GREB1L: variants seen among roughly 807,000 people sequenced by gnomAD.
GREB1L encodes the protein GREB1-like protein.
In GREB1L, 17 loss-of-function variants were observed where a neutral mutation model predicts 200.8. That is an observed-to-expected ratio of 0.08 (90% CI 0.06 to 0.13). The LOEUF is 0.13. Among genes scored for constraint, GREB1L ranks in the 10% least tolerant of loss-of-function variants. The pLI, the probability that GREB1L is intolerant of heterozygous loss-of-function variation, is 1.00. For synonymous variants in GREB1L, 789 were observed against 893.0 expected (o/e 0.88, Z 2.08); for missense variants, 1,657 against 2,367.7 (o/e 0.70, Z 6.23).
intron 1 of GREB1L, among the ~76,000 whole-genome samples, chr18:21,278,763 A>G (rs1001494319): frequency 6.6e-6 from 1 of 152,200 alleles, no homozygotes; most frequent in Non-Finnish European, 1.5e-5. Context: ...TCATAAGGAA[A>G]AGATATGTAT....
intron 23 of GREB1L, among the ~76,000 whole-genome samples, chr18:21,504,835 G>T (rs1047992493): frequency 1.3e-5 from 2 of 152,154 alleles, no homozygotes; most frequent in African/African-American, 4.8e-5. Flanking sequence ...GACGCTGTAA[G>T]GGGTAGGGCC....
At chr18:21,291,827 G>A (rs950490698) in intron 1 of GREB1L, among the ~76,000 whole-genome samples, 1 of 152,140 alleles carries the variant, frequency 6.6e-6, no homozygotes, top group Non-Finnish European at 1.5e-5. Flanking sequence ...CGTACGTGCA[G>A]GGATCTCTAC....
chr18:21,360,415 G>A (rs2039565779), intron 1 of GREB1L, among the ~76,000 whole-genome samples: 1 of 152,062 alleles, frequency 6.6e-6, no homozygotes, highest in South Asian at 2.1e-4. Flanking sequence ...TAGTAGAGAT[G>A]GCGTTTCGCC....
intron 1 of GREB1L, among the ~76,000 whole-genome samples, chr18:21,286,497 A>G (rs1434803695): frequency 1.3e-5 from 2 of 152,214 alleles, no homozygotes; most frequent in East Asian, 3.8e-4. Flanking sequence ...ATAAGTCATG[A>G]GACTTTGGGC....
At chr18:21,376,807 C>T (rs1297519226) in intron 2 of GREB1L, among the ~76,000 whole-genome samples, 3 of 117,028 alleles carry the variant, frequency 2.6e-5, no homozygotes, top group East Asian at 2.3e-4. Flanking sequence ...TCTGAGAGTC[C>T]GTCTCAAAAA....
At chr18:21,342,653 T>C (rs1300814237) in intron 1 of GREB1L, among the ~76,000 whole-genome samples, 2 of 152,186 alleles carry the variant, frequency 1.3e-5, no homozygotes, top group African/African-American at 4.8e-5. Context: ...TCCTAGGCTC[T>C]GCAGGTAGCC....
intron 1 of GREB1L, among the ~76,000 whole-genome samples, chr18:21,276,973 G>T (rs1329848663): frequency 7.3e-6 from 1 of 136,706 alleles, no homozygotes; most frequent in African/African-American, 2.8e-5. Context: ...CTGTCGCCCA[G>T]GCTGGAGTGC....
At chr18:21,345,628 T>A (rs1330675304) in intron 1 of GREB1L, among the ~76,000 whole-genome samples, 2 of 151,948 alleles carry the variant, frequency 1.3e-5, no homozygotes, top group African/African-American at 4.8e-5. Context: ...ATCCCAGCAC[T>A]TTGGGAGGCC....
intron 15 of GREB1L, among the ~76,000 whole-genome samples, chr18:21,457,898 C>A (rs181002377): frequency 8.6e-5 from 13 of 150,834 alleles, no homozygotes; most frequent in African/African-American, 2.7e-4. Flanking sequence ...CATATGTCAT[C>A]ATGTGAATTG....
At chr18:21,433,529 G>T (rs534622736) in intron 7 of GREB1L, among the ~76,000 whole-genome samples, 42 of 152,256 alleles carry the variant, frequency 2.8e-4, no homozygotes, top group African/African-American at 9.6e-4. Flanking sequence ...ATGAAAAACT[G>T]GGGTCATCTT....
rs189435847 is a variant in GREB1L, at chr18:21,263,396, A to C, written c.-120+21003A>C. Reference sequence around the variant, plus strand: ...CTGTGCTGAGATTACAGAAAAATTGAATAAAATAATTGGACATGTAGTTTT... The same window carrying C: ...CTGTGCTGAGATTACAGAAAAATTGCATAAAATAATTGGACATGTAGTTTT... On this transcript the variant is annotated intron_variant, in intron 1 of 32. Coordinates refer to ENST00000424526, the MANE Select transcript of GREB1L (RefSeq NM_001142966.3). Among the ~76,000 whole-genome samples, 208 of 152,340 alleles carry C rather than the reference A, an allele frequency of 1.4e-3. 1 individual carries two copies. Among genetic ancestry groups the C allele is most frequent in the Non-Finnish European group, 2.0e-3 (138 of 68,024 alleles).
chr18:21,389,332 G>C, intron 4 of GREB1L, among the ~76,000 whole-genome samples: 1 of 89,390 alleles, frequency 1.1e-5, no homozygotes, highest in Non-Finnish European at 1.9e-5. Context: ...TTATGGGGTG[G>C]GTTTTTTTTT....
At chr18:21,402,699 T>C (rs1339214695) in intron 6 of GREB1L, among the ~76,000 whole-genome samples, 1 of 151,866 alleles carries the variant, frequency 6.6e-6, no homozygotes. Flanking sequence ...ATTTTTGTAT[T>C]TTTTGTAGGG....
chr18:21,410,979 A>G (rs980685858), intron 7 of GREB1L, among the ~76,000 whole-genome samples: 1 of 152,092 alleles, frequency 6.6e-6, no homozygotes, highest in Non-Finnish European at 1.5e-5. Context: ...ACAAAAACAA[A>G]AAAAAAGAAT....
Position 21,447,309 on chromosome 18 carries a change from A to AT in GREB1L, c.1394-2194dup, listed in dbSNP as rs754377427. Among the ~76,000 whole-genome samples the AT allele has an allele frequency of 6.6e-5, 10 of 151,934 alleles. No individual in the cohort carries two copies. In the East Asian group the frequency reaches 9.7e-4, roughly 15 times the overall value. On this transcript the variant is annotated intron_variant, in intron 11 of 32. Transcript: ENST00000424526. ...CTAATTAAAAAAATTTAAAAAAAAAATTTTTTTAAAAGGCTGAGGATGAAA... is the reference window on the plus strand; with the variant it reads ...CTAATTAAAAAAATTTAAAAAAAAAATTTTTTTTAAAAGGCTGAGGATGAAA...
At chr18:21,470,722 A>C (rs1339519631) in intron 15 of GREB1L, among the ~76,000 whole-genome samples, 2 of 152,232 alleles carry the variant, frequency 1.3e-5, no homozygotes, top group Non-Finnish European at 2.9e-5. Flanking sequence ...AGGATATACA[A>C]TTACAAAATG....
chr18:21,360,545 G>A (rs2039567752), intron 1 of GREB1L, among the ~76,000 whole-genome samples: 1 of 152,180 alleles, frequency 6.6e-6, no homozygotes, highest in South Asian at 2.1e-4. Flanking sequence ...AGGATTAAAT[G>A]AAATACATAT....
intron 2 of GREB1L, among the ~76,000 whole-genome samples, chr18:21,374,590 GCTTA>G (rs1284854535): frequency 6.6e-6 from 1 of 152,130 alleles, no homozygotes; most frequent in Non-Finnish European, 1.5e-5. Flanking sequence ...CTGTACCACA[GCTTA>G]CTTTGCTGTT....
At chr18:21,393,899 C>A (rs888163255) in intron 4 of GREB1L, among the ~76,000 whole-genome samples, 1 of 152,110 alleles carries the variant, frequency 6.6e-6, no homozygotes, top group Non-Finnish European at 1.5e-5. Flanking sequence ...CAGCCTTTCT[C>A]GGTTGCAAAT....
Sources: allele counts gnomAD v4.1 joint callset (sites outside exome capture counted in the v4.1 genomes callset), GRCh38; gene constraint gnomAD v4.1.1; transcripts MANE v1.5; gene names NCBI Gene and HGNC (gene_info 2026-07-23, HGNC 2026-07-21).